Variants in PCDHA11 observed in about 807,000 individuals in gnomAD.
PCDHA11 encodes the protein protocadherin alpha-11.
In PCDHA11, 61 loss-of-function variants were observed where a neutral mutation model predicts 70.3. That is an observed-to-expected ratio of 0.87 (90% CI 0.71 to 1.07). PCDHA11 has a LOEUF of 1.07. Ranked by LOEUF, PCDHA11 falls within the 50% of genes least tolerant of loss-of-function variation. PCDHA11 has a pLI of 0.00. For missense variants in PCDHA11, 1,324 were observed against 1,237.5 expected, an observed-to-expected ratio of 1.07 and a Z score of -1.05; for synonymous variants, 633 against 555.1, an observed-to-expected ratio of 1.14 and a Z score of -1.97.
chr5:140,891,820 G>T (rs1341896388), intron 1 of PCDHA11, among the ~76,000 whole-genome samples: 3 of 152,102 alleles, frequency 2.0e-5, no homozygotes, highest in African/African-American at 7.2e-5. Context: ...TAAATTAACG[G>T]CACTGTAAAA....
At chr5:140,899,983 T>C (rs1313036603) in intron 1 of PCDHA11, among the ~76,000 whole-genome samples, 5 of 151,754 alleles carry the variant, frequency 3.3e-5, no homozygotes, top group Non-Finnish European at 7.4e-5. Flanking sequence ...ACTTTTTTGA[T>C]TTTTTTTGTA....
At chr5:141,001,216 G>A (rs938133871) in intron 3 of PCDHA11, among the ~76,000 whole-genome samples, 3 of 152,082 alleles carry the variant, frequency 2.0e-5, no homozygotes, top group African/African-American at 7.2e-5. Context: ...GCTGTATAAG[G>A]ATAGTTACAT....
intron 3 of PCDHA11, among the ~76,000 whole-genome samples, chr5:140,999,986 G>A (rs2097887000): frequency 6.6e-6 from 1 of 151,990 alleles, no homozygotes; most frequent in African/African-American, 2.4e-5. Context: ...GCGGCCTCTG[G>A]GTAGTGGTAT....
intron 1 of PCDHA11, among the ~76,000 whole-genome samples, chr5:140,959,145 A>C (rs2095470775): frequency 6.6e-6 from 1 of 152,030 alleles, no homozygotes; most frequent in Non-Finnish European, 1.5e-5. Flanking sequence ...GGGAGGCCAA[A>C]GTGGGCAGAT....
At chr5:140,928,350 T>A in intron 1 of PCDHA11, 1 of 1,614,098 alleles carries the variant, frequency 6.2e-7, no homozygotes, top group Non-Finnish European at 8.5e-7. Context: ...AGCTGTTGGA[T>A]GTTATCTCTG....
At chr5:140,890,237 A>G (rs1554184228) in intron 1 of PCDHA11, among the ~76,000 whole-genome samples, 1 of 152,154 alleles carries the variant, frequency 6.6e-6, no homozygotes, top group East Asian at 1.9e-4. Flanking sequence ...TTAAGCATTT[A>G]CCAGTACACT....
chr5:141,000,393 C>CTATAAATATATA (rs1563650230), intron 3 of PCDHA11, among the ~76,000 whole-genome samples: 1 of 52,856 alleles, frequency 1.9e-5, no homozygotes, highest in African/African-American at 9.2e-5. Flanking sequence ...CTCTCTCTCT[C>CTATAAATATATA]TCTATATATA....
chr5:140,902,657 T>G (rs1331790009), intron 1 of PCDHA11, among the ~76,000 whole-genome samples: 2 of 152,160 alleles, frequency 1.3e-5, no homozygotes, highest in Non-Finnish European at 2.9e-5. Context: ...GGTGCACCTG[T>G]CACCCAAGCA....
At position 140,877,496 on chromosome 5, in the gene PCDHA11, C is replaced by T. The variant is rs563591404; in HGVS notation, c.2391+6002C>T. On this transcript the variant is annotated intron_variant, in intron 1 of 3. Transcript: ENST00000398640. ...GTGTCGCTGGTGGAGAACGGCCAGG[C>T]CCCAAAGACGTCGTCGCGGGCCTCA... 24 of 1,613,862 alleles carry T rather than the reference C, an allele frequency of 1.5e-5. No individual in the cohort carries two copies. In the East Asian group the frequency reaches 4.9e-4, roughly 33 times the overall value.
intron 1 of PCDHA11, among the ~76,000 whole-genome samples, chr5:140,932,585 T>C (rs1275216145): frequency 6.6e-6 from 1 of 151,944 alleles, no homozygotes; most frequent in Non-Finnish European, 1.5e-5. Flanking sequence ...GGTAATTAGA[T>C]GTTTTGTATA....
chr5:140,966,599 C>T, intron 1 of PCDHA11: 1 of 631,096 alleles, frequency 1.6e-6, no homozygotes, highest in Non-Finnish European at 2.4e-6. Context: ...GGCCAGGAGC[C>T]CTTGGGAGGG....
At chr5:140,895,437 C>A (rs1250254286) in intron 1 of PCDHA11, among the ~76,000 whole-genome samples, 3 of 152,172 alleles carry the variant, frequency 2.0e-5, no homozygotes, top group Non-Finnish European at 2.9e-5. Context: ...TCCTGAGACT[C>A]TTTTCATGTG....
At chr5:140,935,402 A>T (rs1297077002) in intron 1 of PCDHA11, among the ~76,000 whole-genome samples, 2 of 152,212 alleles carry the variant, frequency 1.3e-5, no homozygotes, top group Non-Finnish European at 2.9e-5. Flanking sequence ...ACGGGACTCA[A>T]ACAATGGACT....
intron 1 of PCDHA11, chr5:140,969,445 A>G (rs2096331821): frequency 1.9e-6 from 3 of 1,542,150 alleles, no homozygotes; most frequent in Non-Finnish European, 2.6e-6. Context: ...TATCTGGTAA[A>G]CTGAGTATAT....
chr5:140,877,704 C>G, intron 1 of PCDHA11: 2 of 1,613,952 alleles, frequency 1.2e-6, no homozygotes, highest in South Asian at 1.1e-5. Context: ...GCTCCAGCGC[C>G]GTGGGGAGTT....
chr5:140,902,284 T>C (rs2069352303), intron 1 of PCDHA11, among the ~76,000 whole-genome samples: 2 of 149,984 alleles, frequency 1.3e-5, no homozygotes, highest in South Asian at 4.3e-4. Context: ...GCAATCCTCC[T>C]GCCTCAGCCT....
chr5:140,883,319 A>C, intron 1 of PCDHA11: 1 of 1,614,126 alleles, frequency 6.2e-7, no homozygotes, highest in Non-Finnish European at 8.5e-7. Context: ...CCCAGAGGTT[A>C]CCATCACTTC....
At chr5:140,960,508 A>C (rs1026528724) in intron 1 of PCDHA11, among the ~76,000 whole-genome samples, 10 of 152,190 alleles carry the variant, frequency 6.6e-5, no homozygotes, top group Non-Finnish European at 1.3e-4. Context: ...TCCAAGCAGC[A>C]AACATAATGG....
At chr5:140,981,327 A>C (rs1330138417) in intron 2 of PCDHA11, among the ~76,000 whole-genome samples, 1 of 152,196 alleles carries the variant, frequency 6.6e-6, no homozygotes, top group Non-Finnish European at 1.5e-5. Context: ...TAATCCCAGC[A>C]CTTTGGGAGG....
Sources: gnomAD v4.1 joint callset for allele counts (sites outside exome capture counted in the v4.1 genomes callset) on GRCh38, gnomAD v4.1.1 for gene constraint, MANE v1.5 for transcripts, NCBI Gene and HGNC (gene_info 2026-07-23, HGNC 2026-07-21) for gene names.